MED12L: variants seen among roughly 807,000 people sequenced by gnomAD.
MED12L encodes mediator of RNA polymerase II transcription subunit 12-like protein.
MED12L carries 60 observed loss-of-function variants against 281.3 expected under a neutral mutation model. That is an observed-to-expected ratio of 0.21 (90% CI 0.17 to 0.26). MED12L has a LOEUF of 0.26. MED12L is among the 10% of genes least tolerant of loss of function. The pLI, the probability that MED12L is intolerant of heterozygous loss-of-function variation, is 1.00. For missense variants in MED12L, 2,146 were observed against 2,680.9 expected (o/e 0.80, Z 4.41); for synonymous variants, 974 against 987.2 (o/e 0.99, Z 0.25).
intron 16 of MED12L, among the ~76,000 whole-genome samples, chr3:151,224,030 T>G (rs1729964027): frequency 6.6e-6 from 1 of 152,240 alleles, no homozygotes; most frequent in African/African-American, 2.4e-5. Context: ...CTAATATTAC[T>G]GCCTATTAAC....
chr3:151,310,742 A>T (rs1252284259), intron 16 of MED12L, among the ~76,000 whole-genome samples: 1 of 152,240 alleles, frequency 6.6e-6, no homozygotes, highest in Admixed American at 6.5e-5. Flanking sequence ...AATTAATTTC[A>T]TATTAAGCAT....
intron 16 of MED12L, among the ~76,000 whole-genome samples, chr3:151,216,604 A>G (rs1282007189): frequency 3.3e-5 from 5 of 152,188 alleles, no homozygotes; most frequent in Non-Finnish European, 2.9e-5. Context: ...TGGACTTCCT[A>G]TAGAAGGAAT....
intron 16 of MED12L, among the ~76,000 whole-genome samples, chr3:151,199,903 CAG>C (rs1725282362): frequency 6.6e-6 from 1 of 151,748 alleles, no homozygotes; most frequent in Non-Finnish European, 1.5e-5. Context: ...CCCAGGCTGA[CAG>C]GGGAAGTAAG....
At chr3:151,153,967 AG>A (rs1464110958) in intron 5 of MED12L, among the ~76,000 whole-genome samples, 2 of 152,188 alleles carry the variant, frequency 1.3e-5, no homozygotes, top group Non-Finnish European at 2.9e-5. Flanking sequence ...ATTTGTTAAA[AG>A]TTCCCGTCAC....
chr3:151,142,487 G>T (rs1335720173), intron 5 of MED12L, among the ~76,000 whole-genome samples: 1 of 152,188 alleles, frequency 6.6e-6, no homozygotes, highest in East Asian at 1.9e-4. Context: ...AACACAAAAT[G>T]TTCAGAAAGG....
intron 5 of MED12L, among the ~76,000 whole-genome samples, chr3:151,129,798 G>C (rs949040447): frequency 2.0e-5 from 3 of 151,236 alleles, no homozygotes; most frequent in African/African-American, 7.3e-5. Flanking sequence ...AGAGGTGGGG[G>C]GTCTCAGTCA....
intron 16 of MED12L, among the ~76,000 whole-genome samples, chr3:151,207,397 T>C (rs933399090): frequency 6.6e-6 from 1 of 152,172 alleles, no homozygotes; most frequent in Non-Finnish European, 1.5e-5. Context: ...CCGGGTATTG[T>C]AATGCTCCAG....
rs539113151 is a variant in MED12L at position 151,356,175 on chromosome 3, G to C, written c.2661+136G>C. The C allele has an allele frequency of 2.9e-5, 25 of 854,012 alleles. No homozygotes were observed. In the Admixed American group the frequency reaches 7.5e-4, roughly 26 times the overall value. The allele number at this position is 854,012 out of a possible 1,614,324, so 52.9% of individuals were successfully genotyped here. A position where few individuals can be genotyped will look rare whatever the true frequency, so the allele number is the denominator to read the frequency against. ...GGCACTTTGGGAGGCCGAGGTAGGAGGATTGCTTGAATCTAGGAGTTTTAG... is the reference window on the plus strand; with the variant it reads ...GGCACTTTGGGAGGCCGAGGTAGGACGATTGCTTGAATCTAGGAGTTTTAG... On this transcript the variant is annotated intron_variant, in intron 19 of 44. Coordinates refer to ENST00000687756, the MANE Select transcript of MED12L (RefSeq NM_001393769.1).
chr3:151,324,029 G>A (rs998807937), intron 16 of MED12L, among the ~76,000 whole-genome samples: 18 of 152,276 alleles, frequency 1.2e-4, no homozygotes, highest in African/African-American at 4.1e-4. Context: ...AGGACAGAGA[G>A]GCAGTGACCA....
intron 17 of MED12L, among the ~76,000 whole-genome samples, chr3:151,354,060 G>A (rs1449515095): frequency 7.1e-6 from 1 of 140,086 alleles, no homozygotes; most frequent in African/African-American, 2.6e-5. Context: ...AGAATGGCGT[G>A]AACCCGGGAG....
intron 16 of MED12L, among the ~76,000 whole-genome samples, chr3:151,214,758 G>A (rs532171462): frequency 1.3e-5 from 2 of 152,072 alleles, no homozygotes; most frequent in East Asian, 3.9e-4. Flanking sequence ...AAATAATAAT[G>A]GTTCCCTATA....
chr3:151,291,150 G>GTTTTTTTTTTT (rs59482240), intron 16 of MED12L, among the ~76,000 whole-genome samples: 1 of 127,548 alleles, frequency 7.8e-6, no homozygotes. Flanking sequence ...CTTGTTTTCT[G>GTTTTTTTTTTT]TTTTTTTTTT....
In MED12L at chr3:151,153,564, C is replaced by CTTT. The variant is rs1177653143; in HGVS notation, c.557-2577_557-2575dup. Among the ~76,000 whole-genome samples, 562 of 94,230 alleles carry CTTT rather than the reference C, an allele frequency of 6.0e-3. 4 individuals carry two copies. The highest frequency in any genetic ancestry group is 0.012 in the African/African-American group (260 of 22,100). The allele number at this position is 94,230 out of a possible 152,430, so 61.8% of individuals were successfully genotyped here. A position where few individuals can be genotyped will look rare whatever the true frequency, so the allele number is the denominator to read the frequency against. On this transcript the variant is annotated intron_variant, in intron 5 of 44. Coordinates refer to ENST00000687756, the MANE Select transcript of MED12L (RefSeq NM_001393769.1). ...GTATGTATCCGTTTCTGTTTTCTTT[C>CTTT]TTTTTTTTTTTTTTTTTTTTTTGAG...
chr3:151,380,202 C>T lies in MED12L; in HGVS notation c.4568C>T (p.Ser1523Phe). ...QDEQREGLLTSLQNQVNQILS... is the reference protein window; with the variant it reads ...QDEQREGLLTFLQNQVNQILS... Reference sequence around the variant, plus strand: ...GAACAAAGGGAAGGCCTCCTAACATCTCTCCAGAATCAAGTTAACCAGGTA... The same window carrying T: ...GAACAAAGGGAAGGCCTCCTAACATTTCTCCAGAATCAAGTTAACCAGGTA... Residue 1523 changes from serine (S) to phenylalanine (F), a missense_variant, in exon 32 of 45, where the codon TCT becomes TTT. By Grantham distance (155) the Ser-to-Phe change is radical. Transcript: ENST00000687756. The T allele has an allele frequency of 6.2e-7, 1 of 1,606,548 alleles. No homozygotes were observed.
At chr3:151,101,005 C>T (rs972661908) in intron 2 of MED12L, among the ~76,000 whole-genome samples, 4 of 151,956 alleles carry the variant, frequency 2.6e-5, no homozygotes, top group Admixed American at 2.0e-4. Context: ...AATGAATTAC[C>T]AGGAAAATGA....
intron 31 of MED12L, among the ~76,000 whole-genome samples, chr3:151,379,321 T>C (rs1051102241): frequency 6.6e-6 from 1 of 152,250 alleles, no homozygotes; most frequent in Non-Finnish European, 1.5e-5. Flanking sequence ...ATTCTGCCCA[T>C]GGAGAATAAT....
intron 6 of MED12L, 58 bp from the exon 7 acceptor site, chr3:151,158,631 G>A: frequency 9.2e-7 from 1 of 1,086,626 alleles, no homozygotes; most frequent in South Asian, 1.3e-5. Flanking sequence ...GAATGACAGT[G>A]CCTTTTTTGT....
At chr3:151,122,345 A>C (rs1576772994) in intron 3 of MED12L, among the ~76,000 whole-genome samples, 1 of 152,200 alleles carries the variant, frequency 6.6e-6, no homozygotes, top group African/African-American at 2.4e-5. Flanking sequence ...CCTTTCCAAA[A>C]ATAAGTGCTA....
At chr3:151,404,793 T>G (rs1313263025) in intron 39 of MED12L, among the ~76,000 whole-genome samples, 1 of 152,232 alleles carries the variant, frequency 6.6e-6, no homozygotes, top group Admixed American at 6.5e-5. Flanking sequence ...TCATTACTAG[T>G]AAATTGAGTG....
Sources: gnomAD v4.1 joint callset for allele counts (sites outside exome capture counted in the v4.1 genomes callset) on GRCh38, gnomAD v4.1.1 for gene constraint, MANE v1.5 for transcripts, NCBI Gene and HGNC (gene_info 2026-07-23, HGNC 2026-07-21) for gene names.